KIAA1217: variants seen among roughly 807,000 people sequenced by gnomAD.
The protein encoded by KIAA1217 is sickle tail protein homolog.
Under a neutral mutation model 163.9 loss-of-function variants are expected in KIAA1217, and 88 were observed. The observed-to-expected ratio is 0.54, with a 90% CI of 0.45 to 0.64. KIAA1217 has a LOEUF of 0.64. Among genes scored for constraint, KIAA1217 ranks in the 30% least tolerant of loss-of-function variants. The pLI, the probability that KIAA1217 is intolerant of heterozygous loss-of-function variation, is 0.00. For synonymous variants in KIAA1217, 903 were observed against 923.1 expected, an observed-to-expected ratio of 0.98 and a Z score of 0.39; for missense variants, 2,372 against 2,475.0, an observed-to-expected ratio of 0.96 and a Z score of 0.88.
At chr10:23,771,728 A>G (rs12245328) in intron 1 of KIAA1217, among the ~76,000 whole-genome samples, 5 of 152,168 alleles carry the variant, frequency 3.3e-5, no homozygotes, top group Non-Finnish European at 5.9e-5. Flanking sequence ...GAGGGATTGC[A>G]TGTGTTTAAG....
intron 1 of KIAA1217, among the ~76,000 whole-genome samples, chr10:23,761,516 A>T (rs1564398475): frequency 2.0e-5 from 3 of 152,052 alleles, no homozygotes; most frequent in Non-Finnish European, 2.9e-5. Context: ...TTATTACGGG[A>T]GTCATTCAGG....
intron 2 of KIAA1217, among the ~76,000 whole-genome samples, chr10:24,036,299 T>C (rs902450809): frequency 3.9e-5 from 6 of 152,154 alleles, no homozygotes; most frequent in African/African-American, 1.4e-4. Flanking sequence ...ACAGAAAGGA[T>C]TTCCAGACAG....
Position 24,543,637 on chromosome 10 carries a change from C to T in KIAA1217, c.4367C>T (p.Ala1456Val). ...IFDEPMDIRSAYKRLSTIFEE... is the reference protein window; with the variant it reads ...IFDEPMDIRSVYKRLSTIFEE... Reference sequence around the variant, plus strand: ...GATGAGCCCATGGACATCCGGTCTGCCTATAAGAGACTTTCAACTATCTTT... The same window carrying T: ...GATGAGCCCATGGACATCCGGTCTGTCTATAAGAGACTTTCAACTATCTTT... Residue 1456 changes from alanine (A) to valine (V), a missense_variant, in exon 19 of 21, where the codon GCC (alanine) becomes GTC (valine). Transcript: ENST00000376454. 6.2e-7 allele frequency: 1 copy of T among 1,613,884 alleles called. No individual in the cohort carries two copies. Among genetic ancestry groups the T allele is most frequent in the Non-Finnish European group, 8.5e-7 (1 of 1,179,980 alleles).
At chr10:24,346,415 T>C (rs2047772923) in intron 2 of KIAA1217, among the ~76,000 whole-genome samples, 1 of 151,052 alleles carries the variant, frequency 6.6e-6, no homozygotes, top group African/African-American at 2.4e-5. Context: ...GAGCTTGCAG[T>C]GAGCCGAGAT....
At chr10:24,414,437 A>G (rs1039362278) in intron 3 of KIAA1217, among the ~76,000 whole-genome samples, 2 of 152,212 alleles carry the variant, frequency 1.3e-5, no homozygotes, top group Admixed American at 6.5e-5. Context: ...GTAGCTCAGT[A>G]TGATGACTTT....
chr10:24,095,622 T>G (rs2062127652), intron 2 of KIAA1217, among the ~76,000 whole-genome samples: 1 of 152,162 alleles, frequency 6.6e-6, no homozygotes, highest in Non-Finnish European at 1.5e-5. Flanking sequence ...CCCAGGCCAC[T>G]CTCTCTTCTC....
At chr10:23,809,683 A>G (rs902178360) in intron 1 of KIAA1217, among the ~76,000 whole-genome samples, 1 of 152,096 alleles carries the variant, frequency 6.6e-6, no homozygotes, top group Non-Finnish European at 1.5e-5. Context: ...ATGAAGTTCA[A>G]TATACAAAAA....
chr10:23,964,810 C>T (rs2131378930), intron 1 of KIAA1217, among the ~76,000 whole-genome samples: 1 of 152,252 alleles, frequency 6.6e-6, no homozygotes, highest in Non-Finnish European at 1.5e-5. Context: ...CTGCCTCAGC[C>T]TCCCAAAGTG....
At chr10:23,711,899 C>T (rs983796609) in intron 1 of KIAA1217, among the ~76,000 whole-genome samples, 1 of 152,160 alleles carries the variant, frequency 6.6e-6, no homozygotes, top group African/African-American at 2.4e-5. Context: ...GATATGATCA[C>T]TTTCAGGAAA....
At chr10:23,952,589 G>A (rs1247304537) in intron 1 of KIAA1217, among the ~76,000 whole-genome samples, 1 of 152,114 alleles carries the variant, frequency 6.6e-6, no homozygotes, top group Non-Finnish European at 1.5e-5. Flanking sequence ...TCCATTTAGG[G>A]ACAAGATTGG....
chr10:24,195,686 C>A (rs7100869), intron 2 of KIAA1217, among the ~76,000 whole-genome samples: 124,007 of 152,184 alleles, frequency 0.81, 51,289 homozygotes, highest in African/African-American at 0.88. Flanking sequence ...GTTTTTAATC[C>A]GCCAGGAAAG....
intron 1 of KIAA1217, among the ~76,000 whole-genome samples, chr10:23,794,078 C>T (rs145764188): frequency 6.6e-6 from 1 of 152,108 alleles, no homozygotes; most frequent in Non-Finnish European, 1.5e-5. Context: ...AATTTTGAGA[C>T]CTGCTTAAAC....
At chr10:23,897,724 A>G (rs959671218) in intron 1 of KIAA1217, among the ~76,000 whole-genome samples, 7 of 152,062 alleles carry the variant, frequency 4.6e-5, no homozygotes, top group Non-Finnish European at 8.8e-5. Flanking sequence ...TATCAGTGGA[A>G]CCATTTATTT....
At chr10:24,140,895 A>G (rs1298298900) in intron 2 of KIAA1217, among the ~76,000 whole-genome samples, 1 of 152,134 alleles carries the variant, frequency 6.6e-6, no homozygotes, top group African/African-American at 2.4e-5. Context: ...TTGCATTGTC[A>G]ACAGTGTCTA....
intron 1 of KIAA1217, among the ~76,000 whole-genome samples, chr10:23,760,323 G>A (rs1817567256): frequency 6.6e-6 from 1 of 152,198 alleles, no homozygotes; most frequent in Non-Finnish European, 1.5e-5. Flanking sequence ...GCAGATAGAA[G>A]TTCCTATTTT....
chr10:23,792,993 C>A (rs369858807), intron 1 of KIAA1217, among the ~76,000 whole-genome samples: 37 of 152,224 alleles, frequency 2.4e-4, no homozygotes, highest in African/African-American at 8.9e-4. Context: ...GTTTGTCACA[C>A]CAGTGGGTTG....
chr10:24,453,712 C>G (rs1341868524), intron 5 of KIAA1217, among the ~76,000 whole-genome samples: 1 of 152,074 alleles, frequency 6.6e-6, no homozygotes, highest in East Asian at 1.9e-4. Context: ...TTGCTTGGAA[C>G]CAGTGATTTT....
chr10:24,130,722 T>C (rs2063623057), intron 2 of KIAA1217, among the ~76,000 whole-genome samples: 1 of 152,212 alleles, frequency 6.6e-6, no homozygotes, highest in Admixed American at 6.5e-5. Flanking sequence ...ATGACTCCCA[T>C]ATAGTAAGTT....
chr10:24,520,032 A>G (rs2070846093), intron 10 of KIAA1217, 91 bp from the exon 11 acceptor site: 1 of 1,462,978 alleles, frequency 6.8e-7, no homozygotes, highest in Admixed American at 2.0e-5. Context: ...GCTCTACACA[A>G]AATCAGAGGC....
Sources: gnomAD v4.1 joint callset for allele counts (sites outside exome capture counted in the v4.1 genomes callset) on GRCh38, gnomAD v4.1.1 for gene constraint, MANE v1.5 for transcripts, NCBI Gene and HGNC (gene_info 2026-07-23, HGNC 2026-07-21) for gene names.